Variants in COL15A1 observed in about 807,000 individuals in gnomAD.
The protein encoded by COL15A1 is collagen alpha-1(XV) chain.
A neutral mutation model predicts 165.9 loss-of-function variants in COL15A1; 111 were observed. The ratio of observed to expected loss-of-function variants is 0.67; its 90% CI spans 0.57 to 0.78. The LOEUF (loss-of-function observed/expected upper bound fraction) is 0.78. Among genes scored for constraint, COL15A1 ranks in the 30% least tolerant of loss-of-function variants. The pLI is 0.00. For missense variants in COL15A1, 1,745 were observed against 1,789.7 expected, an observed-to-expected ratio of 0.98 and a Z score of 0.45; for synonymous variants, 659 against 674.8, an observed-to-expected ratio of 0.98 and a Z score of 0.36.
intron 30 of COL15A1, among the ~76,000 whole-genome samples, chr9:99,050,372 C>T (rs944329971): frequency 2.0e-5 from 3 of 152,110 alleles, no homozygotes; most frequent in Non-Finnish European, 4.4e-5. Context: ...ATGAAACAAA[C>T]TGTGACTCAG....
chr9:99,034,986 G>A (rs1395790783), intron 17 of COL15A1, 28 bp from the exon 18 acceptor site: 2 of 1,604,338 alleles, frequency 1.2e-6, no homozygotes, highest in African/African-American at 2.7e-5. Flanking sequence ...CCCAGGGCTA[G>A]ATAATCAGCC....
At chr9:99,034,071 C>T (rs942351001) in intron 16 of COL15A1, among the ~76,000 whole-genome samples, 26 of 152,324 alleles carry the variant, frequency 1.7e-4, no homozygotes, top group Admixed American at 4.6e-4. Flanking sequence ...ACTACTCCAG[C>T]CAGCTTTGGG....
chr9:99,019,192 GT>G (rs969556330), intron 11 of COL15A1, among the ~76,000 whole-genome samples: 4 of 151,934 alleles, frequency 2.6e-5, no homozygotes, highest in African/African-American at 9.7e-5. Flanking sequence ...CAGTTTTTTT[GT>G]TTCTGTTTTT....
chr9:99,054,481 A>C, intron 31 of COL15A1, 95 bp from the exon 32 acceptor site: 1 of 1,375,442 alleles, frequency 7.3e-7, no homozygotes, highest in South Asian at 1.5e-5. Context: ...GGACTTTGCT[A>C]AATGAGCTTA....
At position 98,944,752 on chromosome 9, in the gene COL15A1, A is replaced by T. The variant is rs148576835; in HGVS notation, c.100+502A>T. Among the ~76,000 whole-genome samples, 844 of 152,370 alleles carry T rather than the reference A, an allele frequency of 5.5e-3. 2 individuals carry two copies. The highest frequency in any genetic ancestry group is 0.02 in the Middle Eastern group (6 of 294). On this transcript the variant is annotated intron_variant, in intron 2 of 41. Coordinates refer to ENST00000375001, the MANE Select transcript of COL15A1 (RefSeq NM_001855.5). ...GCTTAACCCAGCTCTGAGTTACCTA[A>T]GCGGTCACGTCTATCATGGGCAGTG...
chr9:99,055,467 C>T (rs1365364056), intron 34 of COL15A1, 95 bp downstream of exon 34: 11 of 743,944 alleles, frequency 1.5e-5, no homozygotes, highest in Non-Finnish European at 2.6e-5. Flanking sequence ...AGTCATTGTA[C>T]TATAAGCTGG....
At chr9:99,065,136 C>T (rs1035397334) in intron 39 of COL15A1, among the ~76,000 whole-genome samples, 8 of 152,260 alleles carry the variant, frequency 5.3e-5, no homozygotes, top group Non-Finnish European at 8.8e-5. Flanking sequence ...ACAAAAACCC[C>T]CAATCTCGTC....
chr9:98,989,371 C>T (rs1838377235), intron 5 of COL15A1, 113 bp downstream of exon 5: 1 of 840,404 alleles, frequency 1.2e-6, no homozygotes. Context: ...GACCTGTGAG[C>T]TTAATCGTTG....
intron 26 of COL15A1, among the ~76,000 whole-genome samples, chr9:99,047,527 G>T (rs373951679): frequency 6.6e-6 from 1 of 152,200 alleles, no homozygotes; most frequent in Non-Finnish European, 1.5e-5. Context: ...ACTGCGAGGG[G>T]CTGGGTCCAG....
At chr9:99,052,285 G>A in intron 30 of COL15A1, 103 bp from the exon 31 acceptor site, 3 of 848,284 alleles carry the variant, frequency 3.5e-6, no homozygotes, top group Admixed American at 1.7e-5. Context: ...TGACTCTGTG[G>A]CATTGCCTCT....
intron 39 of COL15A1, among the ~76,000 whole-genome samples, chr9:99,064,694 A>T (rs999685852): frequency 2.0e-5 from 3 of 152,236 alleles, no homozygotes; most frequent in African/African-American, 7.2e-5. Context: ...ACAGTGTCAA[A>T]GGCTGCCAGG....
intron 2 of COL15A1, among the ~76,000 whole-genome samples, chr9:98,961,653 G>T (rs77272409): frequency 6.6e-6 from 1 of 152,128 alleles, no homozygotes; most frequent in Admixed American, 6.5e-5. Flanking sequence ...GCCTGGCCCT[G>T]GGGGAGCATC....
At chr9:99,038,502 T>C (rs1022901851) in intron 21 of COL15A1, among the ~76,000 whole-genome samples, 166 bp from the exon 22 acceptor site, 5 of 152,186 alleles carry the variant, frequency 3.3e-5, no homozygotes, top group African/African-American at 9.7e-5. Flanking sequence ...CAGAGCTGTT[T>C]TATAAGAAGG....
At chr9:98,971,046 G>A (rs1838041617) in intron 2 of COL15A1, among the ~76,000 whole-genome samples, 1 of 152,088 alleles carries the variant, frequency 6.6e-6, no homozygotes, top group African/African-American at 2.4e-5. Context: ...TGTGTGTTAG[G>A]GGGCCAAGGG....
chr9:98,964,533 A>G (rs1837923666), intron 2 of COL15A1, among the ~76,000 whole-genome samples: 1 of 152,070 alleles, frequency 6.6e-6, no homozygotes, highest in South Asian at 2.1e-4. Context: ...TTTGACAACA[A>G]CCCTCGGACA....
intron 6 of COL15A1, among the ~76,000 whole-genome samples, chr9:98,998,955 CA>C (rs1838597217): frequency 6.6e-6 from 1 of 152,188 alleles, no homozygotes; most frequent in Admixed American, 6.5e-5. Context: ...TCCCTGACAC[CA>C]TCGTGACCCG....
intron 8 of COL15A1, 97 bp from the exon 9 acceptor site, chr9:99,004,801 A>G: frequency 1.5e-6 from 2 of 1,345,974 alleles, no homozygotes; most frequent in East Asian, 4.6e-5. Flanking sequence ...CTTGGTGTGC[A>G]GGTGCTTTGA....
intron 2 of COL15A1, among the ~76,000 whole-genome samples, chr9:98,974,973 T>C (rs961501816): frequency 6.6e-6 from 1 of 150,528 alleles, no homozygotes; most frequent in African/African-American, 2.5e-5. Flanking sequence ...TCAGACCTGC[T>C]CTCTTGGGTC....
At position 98,981,902 on chromosome 9, in the gene COL15A1, G is replaced by A. The variant is rs184086233; in HGVS notation, c.101-3663G>A. Among the ~76,000 whole-genome samples the A allele has an allele frequency of 3.3e-5, 5 of 151,834 alleles. No individual in the cohort carries two copies. In the East Asian group the frequency reaches 5.8e-4, roughly 18 times the overall value. On this transcript the variant is annotated intron_variant, in intron 2 of 41. Transcript: ENST00000375001. ...TCACTGTAGCCTCAAACTCCTAGGC[G>A]CAAGTGATCCTCCTGGCCCAACTTC...
Sources: gnomAD v4.1 joint callset for allele counts (sites outside exome capture counted in the v4.1 genomes callset) on GRCh38, gnomAD v4.1.1 for gene constraint, MANE v1.5 for transcripts, NCBI Gene and HGNC (gene_info 2026-07-23, HGNC 2026-07-21) for gene names.